Variants in CSMD1 observed in about 807,000 individuals in gnomAD.
CSMD1 encodes CUB and Sushi multiple domains 1.
CSMD1 carries 213 observed loss-of-function variants against 417.5 expected under a neutral mutation model. The observed-to-expected ratio is 0.51, with a 90% confidence interval of 0.46 to 0.57. The LOEUF (loss-of-function observed/expected upper bound fraction) is 0.57. Ranked by LOEUF, CSMD1 falls within the 20% of genes least tolerant of loss-of-function variation. CSMD1 has a pLI of 0.00. For synonymous variants in CSMD1, 2,862 were observed against 1,736.8 expected (o/e 1.65, Z -16.11); for missense variants, 6,923 against 4,529.7 (o/e 1.53, Z -15.17).
chr8:3,155,253 C>G (rs1333682022), intron 39 of CSMD1, among the ~76,000 whole-genome samples: 1 of 150,086 alleles, frequency 6.7e-6, no homozygotes, highest in Non-Finnish European at 1.5e-5. Context: ...GAAGGCTCTT[C>G]ATTTAAAAAT....
intron 5 of CSMD1, among the ~76,000 whole-genome samples, chr8:3,789,797 C>T (rs774003656): frequency 2.9e-4 from 39 of 135,752 alleles, no homozygotes; most frequent in Non-Finnish European, 4.4e-4. Flanking sequence ...GCGGTGCTAT[C>T]TTGGCTCACT....
At chr8:3,606,094 G>C (rs1007703812) in intron 8 of CSMD1, among the ~76,000 whole-genome samples, 4 of 152,174 alleles carry the variant, frequency 2.6e-5, no homozygotes, top group African/African-American at 7.2e-5. Context: ...AAAGATGCTA[G>C]GAAACGTTGA....
At chr8:4,260,727 A>T (rs181498264) in intron 3 of CSMD1, among the ~76,000 whole-genome samples, 64 of 152,294 alleles carry the variant, frequency 4.2e-4, no homozygotes, top group Non-Finnish European at 8.5e-4. Flanking sequence ...TCTTCTTATA[A>T]TATTATCATA....
chr8:4,735,428 G>A (rs1585018532), intron 1 of CSMD1, among the ~76,000 whole-genome samples: 2 of 152,058 alleles, frequency 1.3e-5, no homozygotes, highest in East Asian at 1.9e-4. Context: ...GTAAGGGAGA[G>A]GATTATTACG....
chr8:3,012,764 T>C (rs895238562), intron 52 of CSMD1, among the ~76,000 whole-genome samples: 20 of 152,190 alleles, frequency 1.3e-4, no homozygotes, highest in Admixed American at 1.3e-3. Flanking sequence ...TTTTTTATAC[T>C]GATTCCAAAA....
At chr8:4,979,098 T>C (rs1810729385) in intron 1 of CSMD1, among the ~76,000 whole-genome samples, 1 of 152,216 alleles carries the variant, frequency 6.6e-6, no homozygotes, top group South Asian at 2.1e-4. Flanking sequence ...TAAATGATGT[T>C]AAAACACGTC....
chr8:4,894,198 G>C (rs917754062), intron 1 of CSMD1, among the ~76,000 whole-genome samples: 6 of 151,986 alleles, frequency 3.9e-5, no homozygotes, highest in Admixed American at 6.6e-5. Context: ...TGTCTTATCA[G>C]ATATGCCCAA....
chr8:3,771,876 C>T (rs986416190), intron 5 of CSMD1, among the ~76,000 whole-genome samples: 1 of 151,994 alleles, frequency 6.6e-6, no homozygotes, highest in Non-Finnish European at 1.5e-5. Flanking sequence ...TTTGAATCTG[C>T]CACAGTCCTG....
intron 3 of CSMD1, among the ~76,000 whole-genome samples, chr8:4,276,477 G>C (rs13279959): frequency 1.3e-5 from 2 of 152,234 alleles, no homozygotes; most frequent in South Asian, 4.1e-4. Context: ...CCTGTCAGGA[G>C]AAATACCTAA....
intron 10 of CSMD1, among the ~76,000 whole-genome samples, chr8:3,509,406 G>C (rs1384077450): frequency 6.6e-6 from 1 of 152,142 alleles, no homozygotes; most frequent in South Asian, 2.1e-4. Flanking sequence ...TACAATTTTA[G>C]ACAATTTTCT....
At chr8:4,530,676 C>A (rs1449747600) in intron 2 of CSMD1, among the ~76,000 whole-genome samples, 1 of 151,280 alleles carries the variant, frequency 6.6e-6, no homozygotes, top group Non-Finnish European at 1.5e-5. Flanking sequence ...GGCATGAACT[C>A]ATTCTTTTTT....
chr8:3,320,817 G>A (rs543014951), intron 23 of CSMD1, among the ~76,000 whole-genome samples: 6 of 152,354 alleles, frequency 3.9e-5, no homozygotes, highest in Admixed American at 2.6e-4. Context: ...CCCGCCTGCA[G>A]AGCGAGGGCG....
At chr8:3,050,115 A>AC (rs1211977176) in intron 50 of CSMD1, among the ~76,000 whole-genome samples, 3 of 151,822 alleles carry the variant, frequency 2.0e-5, no homozygotes, top group Non-Finnish European at 2.9e-5. Context: ...TAAAAAAAAA[A>AC]AAAAAACTGA....
chr8:3,994,931 C>A (rs1313899961), intron 5 of CSMD1, among the ~76,000 whole-genome samples: 1 of 152,138 alleles, frequency 6.6e-6, no homozygotes, highest in African/African-American at 2.4e-5. Context: ...ATATGTGTAT[C>A]TGCCCTCACT....
intron 2 of CSMD1, among the ~76,000 whole-genome samples, chr8:4,580,838 C>G (rs1799379974): frequency 6.6e-6 from 1 of 152,208 alleles, no homozygotes; most frequent in African/African-American, 2.4e-5. Context: ...ATACTGCCCG[C>G]TTCATACTGG....
chr8:3,647,544 G>A (rs903229297), intron 7 of CSMD1, among the ~76,000 whole-genome samples: 4 of 152,084 alleles, frequency 2.6e-5, no homozygotes, highest in Admixed American at 2.0e-4. Context: ...ATAGTATAGA[G>A]ACAAATACAG....
chr8:2,946,825 A>G (rs1025072926), intron 68 of CSMD1, among the ~76,000 whole-genome samples: 5 of 152,218 alleles, frequency 3.3e-5, no homozygotes, highest in Admixed American at 2.6e-4. Flanking sequence ...GAGCAGCTGC[A>G]TCATTTCACA....
At chr8:4,326,729 C>T (rs1202561478) in intron 3 of CSMD1, among the ~76,000 whole-genome samples, 3 of 151,916 alleles carry the variant, frequency 2.0e-5, no homozygotes, top group Non-Finnish European at 4.4e-5. Flanking sequence ...CAAATGGGGA[C>T]TTGATGGAAT....
chr8:4,030,215 C>T (rs1797270381), intron 4 of CSMD1, among the ~76,000 whole-genome samples: 1 of 152,060 alleles, frequency 6.6e-6, no homozygotes, highest in African/African-American at 2.4e-5. Context: ...GGCGGTGCCC[C>T]AGTAGGGACT....
Sources: allele counts gnomAD v4.1 joint callset (sites outside exome capture counted in the v4.1 genomes callset), GRCh38; gene constraint gnomAD v4.1.1; transcripts MANE v1.5; gene names NCBI Gene and HGNC (gene_info 2026-07-23, HGNC 2026-07-21).